SH3BP4: variants seen among roughly 807,000 people sequenced by gnomAD.
The protein encoded by SH3BP4 is SH3 domain binding protein 4.
Under a neutral mutation model 65.5 loss-of-function variants are expected in SH3BP4, and 33 were observed. The observed-to-expected ratio is 0.50, with a 90% confidence interval of 0.38 to 0.67. The LOEUF (loss-of-function observed/expected upper bound fraction) is 0.67, where lower values mean the gene tolerates loss of function less well. Ranked by LOEUF, SH3BP4 falls within the 30% of genes least tolerant of loss-of-function variation. The pLI, the probability that SH3BP4 is intolerant of heterozygous loss-of-function variation, is 0.00. For missense variants in SH3BP4, 1,134 were observed against 1,261.4 expected (o/e 0.90, Z 1.53); for synonymous variants, 552 against 545.5 (o/e 1.01, Z -0.17).
intron 2 of SH3BP4, among the ~76,000 whole-genome samples, chr2:235,004,389 A>G (rs554755150): frequency 6.6e-6 from 1 of 152,190 alleles, no homozygotes; most frequent in Non-Finnish European, 1.5e-5. Flanking sequence ...TGAAGTTCAC[A>G]TAACATATAA....
intron 2 of SH3BP4, among the ~76,000 whole-genome samples, chr2:235,028,053 T>C (rs111815742): frequency 3.7e-3 from 566 of 152,332 alleles, no homozygotes; most frequent in African/African-American, 0.013. Context: ...ATGTTGTCTG[T>C]TCAGACGCTG....
chr2:234,975,193 T>A (rs868368395), intron 1 of SH3BP4, among the ~76,000 whole-genome samples: 1 of 150,172 alleles, frequency 6.7e-6, no homozygotes, highest in African/African-American at 2.5e-5. Context: ...CCACAGGGAA[T>A]TGGTTTCTTG....
chr2:234,985,680 G>A (rs1269414854), intron 1 of SH3BP4, among the ~76,000 whole-genome samples: 1 of 152,216 alleles, frequency 6.6e-6, no homozygotes, highest in East Asian at 1.9e-4. Flanking sequence ...ATCCTCCCTT[G>A]ATGTATGTTC....
At chr2:235,043,312 A>G (rs1695741591) in intron 4 of SH3BP4, 65 bp downstream of exon 4, 1 of 1,356,566 alleles carries the variant, frequency 7.4e-7, no homozygotes, top group Admixed American at 2.3e-5. Flanking sequence ...CCGCCTTCCC[A>G]GTGCACATGG....
At chr2:234,962,521 A>C (rs190289099) in intron 1 of SH3BP4, among the ~76,000 whole-genome samples, 159 of 152,294 alleles carry the variant, frequency 1.0e-3, no homozygotes, top group African/African-American at 3.6e-3. Context: ...ATGTTTGTAC[A>C]TGTTTGTTTT....
intron 2 of SH3BP4, among the ~76,000 whole-genome samples, chr2:235,015,639 C>T (rs1366323830): frequency 2.0e-5 from 3 of 152,138 alleles, no homozygotes; most frequent in Admixed American, 1.3e-4. Context: ...GGTGAGCCAG[C>T]GTTTCCCAGG....
chr2:235,014,235 G>T (rs568350022), intron 2 of SH3BP4, among the ~76,000 whole-genome samples: 3 of 152,170 alleles, frequency 2.0e-5, no homozygotes. Flanking sequence ...GAGCAGGATC[G>T]GGCGATGCCG....
chr2:235,022,779 A>G (rs1456513065), intron 2 of SH3BP4, among the ~76,000 whole-genome samples: 1 of 152,140 alleles, frequency 6.6e-6, no homozygotes, highest in Non-Finnish European at 1.5e-5. Context: ...TCCTAAGAAA[A>G]TAACCCAAAA....
At chr2:235,017,445 CA>C (rs556712981) in intron 2 of SH3BP4, among the ~76,000 whole-genome samples, 15,266 of 74,980 alleles carry the variant, frequency 0.2, 1,785 homozygotes, top group African/African-American at 0.42. Flanking sequence ...GACTCAGTCT[CA>C]AAAAAAAAAA....
intron 1 of SH3BP4, among the ~76,000 whole-genome samples, chr2:234,990,623 T>C (rs569233947): frequency 6.6e-6 from 1 of 152,246 alleles, no homozygotes; most frequent in African/African-American, 2.4e-5. Context: ...AGCCTGTAGG[T>C]TGAGTTGGGT....
Position 235,041,195 on chromosome 2 carries a change from C to A in SH3BP4, c.426C>A (p.Leu142=). ...AGGTAGCCAAGGAGCTGGAGCTGCTCGGGGGATGGACAGATGACAAAAAAG... is the reference window on the plus strand; with the variant it reads ...AGGTAGCCAAGGAGCTGGAGCTGCTAGGGGGATGGACAGATGACAAAAAAG... The part of the protein sequence containing the change: ...PDEVAKELEL[L]GGWTDDKKVP... Residue 142 remains leucine, a synonymous_variant, in exon 4 of 6, where the codon CTC becomes CTA. Transcript: ENST00000392011. This position sits in a 1 kb window ranked among gnomAD's most constrained non-coding sequence, Gnocchi z 6.0. 1 of 1,614,072 alleles carries A rather than the reference C, an allele frequency of 6.2e-7. No individual in the cohort carries two copies. Among genetic ancestry groups the A allele is most frequent in the South Asian group, 1.1e-5 (1 of 91,078 alleles).
chr2:235,042,214 A>G lies in SH3BP4; in HGVS notation c.1445A>G (p.Lys482Arg). 1.9e-6 allele frequency: 3 copies of G among 1,614,068 alleles called. No individual in the cohort carries two copies. Among genetic ancestry groups the G allele is most frequent in the Non-Finnish European group, 2.5e-6 (3 of 1,180,026 alleles). The stretch of plus-strand genomic sequence containing the variant: ...GTCACAGTGGGTCTCTACGGCCCTA[A>G]ACACATCCACCCATCCTTCAAGACG... ...KKVTVGLYGPKHIHPSFKTVV... is the reference protein window; with the variant it reads ...KKVTVGLYGPRHIHPSFKTVV... The change falls in exon 4 of 6, where the codon AAA (lysine) becomes AGA (arginine). Residue 482 changes from lysine to arginine, a missense_variant. Coordinates refer to ENST00000392011, the MANE Select transcript of SH3BP4 (RefSeq NM_014521.3). This position sits in a 1 kb window ranked among gnomAD's most constrained non-coding sequence, Gnocchi z 7.3.
intron 1 of SH3BP4, among the ~76,000 whole-genome samples, chr2:234,989,715 T>A (rs540959542): frequency 2.0e-5 from 3 of 152,314 alleles, no homozygotes; most frequent in Middle Eastern, 3.4e-3. Context: ...CGACTTAAAT[T>A]TCTTATCATT....
chr2:234,990,815 A>C (rs1012695191), intron 1 of SH3BP4, among the ~76,000 whole-genome samples: 30 of 152,242 alleles, frequency 2.0e-4, no homozygotes, highest in African/African-American at 7.2e-4. Flanking sequence ...GAGTGTCAGC[A>C]GGGCTGGTTC....
chr2:235,010,735 C>T (rs920519812), intron 2 of SH3BP4, among the ~76,000 whole-genome samples: 3 of 151,826 alleles, frequency 2.0e-5, no homozygotes, highest in Non-Finnish European at 4.4e-5. Flanking sequence ...AACCCTTCCC[C>T]GCTCTCCAAG....
At chr2:235,031,848 G>A (rs1394042294) in intron 2 of SH3BP4, among the ~76,000 whole-genome samples, 1 of 152,268 alleles carries the variant, frequency 6.6e-6, no homozygotes, top group Non-Finnish European at 1.5e-5. Context: ...GCCCTGAGCA[G>A]CCTGCGTGGA....
chr2:234,996,965 G>A (rs1436774167), intron 2 of SH3BP4, among the ~76,000 whole-genome samples: 1 of 152,138 alleles, frequency 6.6e-6, no homozygotes, highest in Non-Finnish European at 1.5e-5. Context: ...AGAGTTACTG[G>A]GGCAGCAAGA....
Position 234,982,595 on chromosome 2 carries a change from G to A in SH3BP4, c.-206-12708G>A, listed in dbSNP as rs531960723. Among the ~76,000 whole-genome samples, 5 of 152,326 alleles carry A rather than the reference G, an allele frequency of 3.3e-5. No homozygotes were observed. The South Asian group carries it at 1.0e-3, about 32-fold the overall frequency. ...TGGGTGGCAGGTGGGCTATCCCCGAGACCTGGGAACACAGGCTGCGGGGAA... is the reference window on the plus strand; with the variant it reads ...TGGGTGGCAGGTGGGCTATCCCCGAAACCTGGGAACACAGGCTGCGGGGAA... On this transcript the variant is annotated intron_variant, in intron 1 of 5. Coordinates refer to ENST00000392011, the MANE Select transcript of SH3BP4 (RefSeq NM_014521.3).
At chr2:234,959,096 C>T (rs1309774524) in intron 1 of SH3BP4, among the ~76,000 whole-genome samples, 1 of 152,114 alleles carries the variant, frequency 6.6e-6, no homozygotes, top group Non-Finnish European at 1.5e-5. Context: ...ACATCTGCAA[C>T]TTTTTCCCAC....
Sources: gnomAD v4.1 joint callset for allele counts (sites outside exome capture counted in the v4.1 genomes callset) on GRCh38, gnomAD v4.1.1 for gene constraint, Gnocchi (gnomAD v3.1) non-coding constraint, MANE v1.5 for transcripts, NCBI Gene and HGNC (gene_info 2026-07-23, HGNC 2026-07-21) for gene names.